PSMD11: variants seen among roughly 807,000 people sequenced by gnomAD.
The protein encoded by PSMD11 is proteasome 26S subunit, non-ATPase 11.
PSMD11 carries 5 observed loss-of-function variants against 62.3 expected under a neutral mutation model. That is an observed-to-expected ratio of 0.08 (90% CI 0.04 to 0.17). The LOEUF is 0.17. Ranked by LOEUF, PSMD11 falls within the 10% of genes least tolerant of loss-of-function variation. The pLI, the probability that PSMD11 is intolerant of heterozygous loss-of-function variation, is 1.00. For synonymous variants in PSMD11, 191 were observed against 191.8 expected (o/e 1.00, Z 0.03); for missense variants, 310 against 512.9 (o/e 0.60, Z 3.82).
rs144311945 is a variant in PSMD11, at chr17:32,456,439, C to T, written c.318+1820C>T. ...CCAGGCTGGAGTGCAATGGCGTGAT[C>T]GTGGCTCACTGCAACCCCCGCCTCC... On this transcript the variant is annotated intron_variant, in intron 3 of 13. Coordinates refer to ENST00000261712, the MANE Select transcript of PSMD11 (RefSeq NM_002815.4). 7.7e-4 allele frequency among the ~76,000 whole-genome samples: 117 copies of T among 152,170 alleles called. 1 individual carries two copies. Among genetic ancestry groups the T allele is most frequent in the African/African-American group, 2.7e-3 (113 of 41,542 alleles).
intron 2 of PSMD11, among the ~76,000 whole-genome samples, chr17:32,452,361 CTG>C (rs1400506634): frequency 6.6e-6 from 1 of 152,106 alleles, no homozygotes; most frequent in Non-Finnish European, 1.5e-5. Flanking sequence ...GGCTGAATAA[CTG>C]TATCCAAAAC....
At chr17:32,444,884 G>C in intron 1 of PSMD11, 1 of 522,110 alleles carries the variant, frequency 1.9e-6, no homozygotes, top group East Asian at 3.5e-5. Context: ...GCCGAGCCGG[G>C]CCCCCGGGGA....
intron 5 of PSMD11, among the ~76,000 whole-genome samples, chr17:32,466,041 G>A (rs955943213): frequency 5.3e-5 from 8 of 152,104 alleles, no homozygotes; most frequent in African/African-American, 1.9e-4. Context: ...TGTCGTCCAG[G>A]CTGGAGTGCA....
chr17:32,458,040 C>G (rs1567853406), intron 3 of PSMD11, among the ~76,000 whole-genome samples: 2 of 152,148 alleles, frequency 1.3e-5, no homozygotes, highest in South Asian at 4.1e-4. Flanking sequence ...ACCTTGTGAT[C>G]TGCCGGCCTC....
In PSMD11 at chr17:32,477,537, G is replaced by A; in HGVS notation, c.866G>A (p.Cys289Tyr). 2 of 1,607,494 alleles carry A rather than the reference G, an allele frequency of 1.2e-6. No homozygotes were observed. Among genetic ancestry groups the A allele is most frequent in the Non-Finnish European group, 1.7e-6 (2 of 1,177,272 alleles). The change falls in exon 9 of 14, where the codon TGC (cysteine) becomes TAC (tyrosine). Residue 289 changes from cysteine to tyrosine, a missense_variant. Cys to Tyr is a radical substitution (Grantham distance 194, BLOSUM62 -2). Coordinates refer to ENST00000261712, the MANE Select transcript of PSMD11 (RefSeq NM_002815.4). ...YAGRQTEALK[C>Y]VAQASKNRSL... ...TATTCTCAGACAGAAGCATTAAAAT[G>A]CGTGGCTCAGGCTAGCAAGAACAGA...
At chr17:32,465,546 T>C (rs532648747) in intron 5 of PSMD11, among the ~76,000 whole-genome samples, 61 of 152,298 alleles carry the variant, frequency 4.0e-4, no homozygotes, top group African/African-American at 1.4e-3. Flanking sequence ...TTTCATATGG[T>C]TCAAATAGGA....
intron 3 of PSMD11, among the ~76,000 whole-genome samples, chr17:32,457,835 C>T (rs1257773301): frequency 6.7e-6 from 1 of 149,672 alleles, no homozygotes; most frequent in Admixed American, 6.7e-5. Flanking sequence ...GAGTCTTGCT[C>T]TGTCACCCAG....
At chr17:32,477,167 G>A (rs773052344) in intron 8 of PSMD11, 1 of 211,848 alleles carries the variant, frequency 4.7e-6, no homozygotes, top group Non-Finnish European at 9.4e-6. Context: ...AAGGAGTTTG[G>A]GTGGATGTGG....
chr17:32,464,000 G>C (rs905611554), intron 3 of PSMD11, 49 bp from the exon 4 acceptor site: 1 of 1,535,030 alleles, frequency 6.5e-7, no homozygotes. Context: ...TGGTTTGTGG[G>C]AAGAATTTGA....
intron 1 of PSMD11, among the ~76,000 whole-genome samples, chr17:32,446,332 G>A (rs1258039496): frequency 6.6e-6 from 1 of 152,176 alleles, no homozygotes; most frequent in African/African-American, 2.4e-5. Flanking sequence ...TATTTTAACA[G>A]ACCTCAATGC....
At chr17:32,474,521 T>C (rs187833839) in intron 7 of PSMD11, among the ~76,000 whole-genome samples, 10 of 152,346 alleles carry the variant, frequency 6.6e-5, no homozygotes, top group Admixed American at 6.5e-4. Context: ...CTATTGCTTT[T>C]GGTAGGTTCA....
chr17:32,472,842 CTTTTTTT>C (rs74197607), intron 6 of PSMD11, among the ~76,000 whole-genome samples: 4 of 125,006 alleles, frequency 3.2e-5, no homozygotes, highest in African/African-American at 2.9e-5. Context: ...CGGCCTTTTT[CTTTTTTT>C]TTTTTTTTTT....
rs143965744 is a variant in PSMD11 at position 32,468,568 on chromosome 17, A to T, written c.449-431A>T. ...ATGGGGGAGTCAGGGAAGAAGGTAT[A>T]TTTGGAGAACATTGGTATATCTAGA... On this transcript the variant is annotated intron_variant, in intron 5 of 13. Coordinates refer to ENST00000261712, the MANE Select transcript of PSMD11 (RefSeq NM_002815.4). Among the ~76,000 whole-genome samples, 732 of 152,304 alleles carry T rather than the reference A, an allele frequency of 4.8e-3. 5 individuals carry two copies. The highest frequency in any genetic ancestry group is 0.016 in the African/African-American group (646 of 41,552).
intron 2 of PSMD11, among the ~76,000 whole-genome samples, chr17:32,452,614 T>G (rs1268114934): frequency 6.6e-6 from 1 of 152,224 alleles, no homozygotes; most frequent in Non-Finnish European, 1.5e-5. Flanking sequence ...ACTTAAAGTA[T>G]TTTTCAAAAC....
chr17:32,451,459 A>G (rs1907496894), intron 2 of PSMD11, among the ~76,000 whole-genome samples: 2 of 152,248 alleles, frequency 1.3e-5, no homozygotes, highest in African/African-American at 4.8e-5. Flanking sequence ...AGATATAACT[A>G]TAGAGCCATA....
In PSMD11 at chr17:32,481,724, C is replaced by T. The variant is rs1328460492; in HGVS notation, c.*972C>T. 2 of 152,200 alleles carry T rather than the reference C, an allele frequency of 1.3e-5. No homozygotes were observed. The highest frequency in any genetic ancestry group is 2.9e-5 in the Non-Finnish European group (2 of 68,034). 9.4% of individuals were successfully genotyped at this position (152,200 alleles called of 1,614,324 possible). A position where few individuals can be genotyped will look rare whatever the true frequency, so the allele number is the denominator to read the frequency against. On this transcript the variant is annotated 3_prime_UTR_variant, in exon 14 of 14. Transcript: ENST00000261712. ...CATGAGCTTCTCTCCCTCTCCCACT[C>T]CTCCTCTCCTACTTTCAGATGGATT...
At chr17:32,466,594 C>T (rs895668952) in intron 5 of PSMD11, among the ~76,000 whole-genome samples, 1 of 152,150 alleles carries the variant, frequency 6.6e-6, no homozygotes, top group Non-Finnish European at 1.5e-5. Context: ...GTTGTTTCTA[C>T]ATTTTAGCTC....
At chr17:32,476,302 C>A (rs1288817593) in intron 8 of PSMD11, among the ~76,000 whole-genome samples, 1 of 152,116 alleles carries the variant, frequency 6.6e-6, no homozygotes, top group African/African-American at 2.4e-5. Flanking sequence ...ACTACTCTCA[C>A]TATAACTAGA....
chr17:32,459,727 G>A (rs965843564), intron 3 of PSMD11, among the ~76,000 whole-genome samples: 7 of 152,104 alleles, frequency 4.6e-5, no homozygotes, highest in Non-Finnish European at 8.8e-5. Flanking sequence ...GTGCAGTGGT[G>A]TGATCTTGGC....
Sources: allele counts gnomAD v4.1 joint callset (sites outside exome capture counted in the v4.1 genomes callset), GRCh38; gene constraint gnomAD v4.1.1; transcripts MANE v1.5; gene names NCBI Gene and HGNC (gene_info 2026-07-23, HGNC 2026-07-21).